The following GAL variants were observed in gnomAD, a reference collection of about 807,000 sequenced individuals.
GAL encodes galanin peptides.
A neutral mutation model predicts 15.8 loss-of-function variants in GAL; 14 were observed. The ratio of observed to expected loss-of-function variants is 0.89; its 90% CI spans 0.59 to 1.39. GAL has a LOEUF of 1.39. Among genes scored for constraint, GAL ranks in the 40% most tolerant of loss-of-function variants. The pLI is 0.00. For missense variants in GAL, 176 were observed against 170.4 expected (o/e 1.03, Z -0.18); for synonymous variants, 79 against 73.8 (o/e 1.07, Z -0.36).
chr11:68,687,453 A>AC (rs1451095635), intron 3 of GAL, among the ~76,000 whole-genome samples: 3 of 150,756 alleles, frequency 2.0e-5, no homozygotes, highest in Non-Finnish European at 3.0e-5. Flanking sequence ...ACGCTCCTGC[A>AC]CCCCCCACCC....
At chr11:68,686,960 T>C (rs930704882) in intron 3 of GAL, among the ~76,000 whole-genome samples, 2 of 152,244 alleles carry the variant, frequency 1.3e-5, no homozygotes, top group Non-Finnish European at 2.9e-5. Flanking sequence ...TTTACGGCCC[T>C]GTTCAGCTGT....
chr11:68,687,957 G>T, intron 3 of GAL, 57 bp from the exon 4 acceptor site: 1 of 1,069,488 alleles, frequency 9.4e-7, no homozygotes, highest in South Asian at 1.3e-5. Context: ...CTTTGGGTGT[G>T]GGGAGGGCGT....
intron 3 of GAL, among the ~76,000 whole-genome samples, chr11:68,687,436 C>G (rs781154204): frequency 6.6e-6 from 1 of 152,088 alleles, no homozygotes; most frequent in Non-Finnish European, 1.5e-5. Context: ...CACACGGGAA[C>G]GCACACACGC....
rs760942180 is a variant in GAL, at chr11:68,690,934, C to T, written c.319C>T (p.Arg107Cys). 1.5e-5 allele frequency: 24 copies of T among 1,612,756 alleles called. No individual in the cohort carries two copies. Among genetic ancestry groups the T allele is most frequent in the Middle Eastern group, 1.6e-4 (1 of 6,082 alleles). Residue 107 changes from arginine (R) to cysteine (C), a missense_variant, in exon 6 of 6, where the codon CGC becomes TGC. Transcript: ENST00000265643. ...LHLKEAGALD[R>C]LLDLPAAASS... is the part of the protein sequence containing the mutation. ...CTTTGCAGAGGCCGGTGCCCTCGACCGCCTCCTGGATCTCCCCGCCGCAGC... is the reference window on the plus strand; with the variant it reads ...CTTTGCAGAGGCCGGTGCCCTCGACTGCCTCCTGGATCTCCCCGCCGCAGC...
Position 68,687,997 on chromosome 11 carries a change from C to G in GAL, c.137-17C>G, listed in dbSNP as rs529697753. On this transcript the variant is annotated splice_polypyrimidine_tract_variant and intron_variant, in intron 3 of 5. Transcript: ENST00000265643. ...GACAGTCACACCCAGAGGCTTTCCT[C>G]TCTGATCTGCAAACAGATGCCGTTG... The G allele has an allele frequency of 5.0e-5, 79 of 1,573,332 alleles. 1 individual carries two copies. Among genetic ancestry groups the G allele is most frequent in the South Asian group, 1.9e-4 (17 of 90,262 alleles).
chr11:68,688,230 A>T, intron 4 of GAL, 130 bp downstream of exon 4: 2 of 659,946 alleles, frequency 3.0e-6, no homozygotes, highest in Non-Finnish European at 5.5e-6. Flanking sequence ...CTTGACTAAG[A>T]CGATGTGGCC....
chr11:68,689,242 T>C (rs556045031), intron 5 of GAL, among the ~76,000 whole-genome samples: 1 of 152,334 alleles, frequency 6.6e-6, no homozygotes, highest in East Asian at 1.9e-4. Context: ...ACAACTGCTG[T>C]ACCTTTTAGG....
chr11:68,688,760 G>A, intron 4 of GAL, 89 bp from the exon 5 acceptor site: 2 of 723,812 alleles, frequency 2.8e-6, no homozygotes, highest in East Asian at 2.6e-5. Context: ...TGACCTTGCA[G>A]CGCCCAGCTC....
At position 68,684,702 on chromosome 11, in the gene GAL, G is replaced by A; in HGVS notation, c.-31G>A. 2.5e-6 allele frequency: 1 copy of A among 405,084 alleles called. No homozygotes were observed. The highest frequency in any genetic ancestry group is 7.2e-5 in the South Asian group (1 of 13,946). The allele number at this position is 405,084 out of a possible 1,614,324, so 25.1% of individuals were successfully genotyped here. ...CCCGCCACCGCACCCGGACCCCGAC[G>A]CTCCGAACCCGGGCGCAGCCGCAGC... is the stretch of plus-strand genomic sequence containing the variant. On this transcript the variant is annotated 5_prime_UTR_variant, in exon 1 of 6. Transcript: ENST00000265643.
intron 3 of GAL, among the ~76,000 whole-genome samples, chr11:68,687,089 G>T (rs1945860501): frequency 6.6e-6 from 1 of 152,164 alleles, no homozygotes; most frequent in African/African-American, 2.4e-5. Context: ...GTGTGGCCGT[G>T]GCTGAGGGTG....
chr11:68,684,735 A>C lies in GAL; in HGVS notation c.-1+3A>C. On this transcript the variant is annotated splice_donor_region_variant and intron_variant, in intron 1 of 5. Transcript: ENST00000265643. The stretch of plus-strand genomic sequence containing the variant: ...CCCGGGCGCAGCCGCAGCTCAAGGT[A>C]CTACTGGCGCCGGGCCGACCCTGCG... The C allele has an allele frequency of 4.0e-6, 2 of 494,992 alleles. No individual in the cohort carries two copies. Among genetic ancestry groups the C allele is most frequent in the East Asian group, 3.5e-5 (1 of 28,878 alleles). 30.7% of individuals were successfully genotyped at this position (494,992 alleles called of 1,614,324 possible).
intron 4 of GAL, 31 bp downstream of exon 4, chr11:68,688,131 C>T (rs773114870): frequency 2.2e-6 from 3 of 1,345,448 alleles, no homozygotes; most frequent in Admixed American, 1.7e-5. Context: ...GGCCCCGGGG[C>T]ACCTCACTTC....
intron 5 of GAL, among the ~76,000 whole-genome samples, chr11:68,690,096 A>AC (rs1945891329): frequency 6.6e-6 from 1 of 151,212 alleles, no homozygotes; most frequent in African/African-American, 2.4e-5. Flanking sequence ...GGAGGGATAG[A>AC]CCGCTTTGCC....
At chr11:68,685,103 G>A in intron 2 of GAL, 99 bp downstream of exon 2, 2 of 792,972 alleles carry the variant, frequency 2.5e-6, no homozygotes, top group Admixed American at 2.1e-5. Context: ...TGCCCGCGGG[G>A]ATGGGGGTGG....
At chr11:68,689,983 C>A (rs1945890177) in intron 5 of GAL, among the ~76,000 whole-genome samples, 1 of 152,106 alleles carries the variant, frequency 6.6e-6, no homozygotes, top group African/African-American at 2.4e-5. Context: ...TGAGGGTTAA[C>A]AGGGAGGTGG....
At chr11:68,689,738 A>C (rs1040190469) in intron 5 of GAL, among the ~76,000 whole-genome samples, 1 of 152,188 alleles carries the variant, frequency 6.6e-6, no homozygotes, top group South Asian at 2.1e-4. Flanking sequence ...ATAGAAGCCC[A>C]TATCTTAGAC....
At chr11:68,686,508 A>G (rs1410277341) in intron 3 of GAL, among the ~76,000 whole-genome samples, 2 of 152,224 alleles carry the variant, frequency 1.3e-5, no homozygotes, top group African/African-American at 2.4e-5. Flanking sequence ...CCCCATGCCA[A>G]GGAAAGCTGA....
chr11:68,691,141 A>C lies in GAL; in HGVS notation c.*154A>C. 1 of 588,078 alleles carries C rather than the reference A, an allele frequency of 1.7e-6. No individual in the cohort carries two copies. The highest frequency in any genetic ancestry group is 3.0e-6 in the Non-Finnish European group (1 of 329,122). The allele number at this position is 588,078 out of a possible 1,614,324, so 36.4% of individuals were successfully genotyped here. A position where few individuals can be genotyped will look rare whatever the true frequency, so the allele number is the denominator to read the frequency against. ...CATTTAAGATTTTTTTTTTTTGGTAATTATTTTGAGTGGCAAAATAAAGAA... is the reference window on the plus strand; with the variant it reads ...CATTTAAGATTTTTTTTTTTTGGTACTTATTTTGAGTGGCAAAATAAAGAA... On this transcript the variant is annotated 3_prime_UTR_variant, in exon 6 of 6. Transcript: ENST00000265643.
In GAL at chr11:68,684,705, C is replaced by A; in HGVS notation, c.-28C>A. On this transcript the variant is annotated 5_prime_UTR_variant, in exon 1 of 6. Coordinates refer to ENST00000265643, the MANE Select transcript of GAL (RefSeq NM_015973.5). ...GCCACCGCACCCGGACCCCGACGCTCCGAACCCGGGCGCAGCCGCAGCTCA... is the reference window on the plus strand; with the variant it reads ...GCCACCGCACCCGGACCCCGACGCTACGAACCCGGGCGCAGCCGCAGCTCA... The A allele has an allele frequency of 2.4e-6, 1 of 421,870 alleles. No homozygotes were observed. 26.1% of individuals were successfully genotyped at this position (421,870 alleles called of 1,614,324 possible).
Sources: allele counts gnomAD v4.1 joint callset (sites outside exome capture counted in the v4.1 genomes callset), GRCh38; gene constraint gnomAD v4.1.1; transcripts MANE v1.5; gene names NCBI Gene and HGNC (gene_info 2026-07-23, HGNC 2026-07-21).